ACOXL: variants seen among roughly 807,000 people sequenced by gnomAD.
The protein encoded by ACOXL is acyl-CoA oxidase like.
A neutral mutation model predicts 71.9 loss-of-function variants in ACOXL; 70 were observed. That is an observed-to-expected ratio of 0.97 (90% confidence interval 0.80 to 1.19). The LOEUF is 1.19. Among genes scored for constraint, ACOXL ranks in the 50% most tolerant of loss-of-function variants. ACOXL has a pLI of 0.00. For missense variants in ACOXL, 703 were observed against 736.3 expected, an observed-to-expected ratio of 0.95 and a Z score of 0.52; for synonymous variants, 253 against 281.6, an observed-to-expected ratio of 0.90 and a Z score of 1.02.
At chr2:110,885,545 G>A (rs1468612516) in intron 10 of ACOXL, among the ~76,000 whole-genome samples, 1 of 151,938 alleles carries the variant, frequency 6.6e-6, no homozygotes, top group African/African-American at 2.4e-5. Flanking sequence ...TAAGACTGGA[G>A]GTATAAAGTA....
At chr2:110,965,183 C>T (rs186914204) in intron 12 of ACOXL, among the ~76,000 whole-genome samples, 1 of 152,234 alleles carries the variant, frequency 6.6e-6, no homozygotes, top group East Asian at 1.9e-4. Context: ...AATAGTATTC[C>T]ATTATGTGTA....
chr2:110,890,994 T>C (rs2149144096), intron 10 of ACOXL, among the ~76,000 whole-genome samples: 1 of 152,326 alleles, frequency 6.6e-6, no homozygotes, highest in Admixed American at 6.5e-5. Flanking sequence ...ACAAGTGTTA[T>C]ATTTCTTTTG....
chr2:110,877,929 G>A (rs1558661005), intron 10 of ACOXL, among the ~76,000 whole-genome samples: 1 of 152,228 alleles, frequency 6.6e-6, no homozygotes, highest in Non-Finnish European at 1.5e-5. Flanking sequence ...TCCTGAGCAG[G>A]TGCTTTGTAC....
intron 10 of ACOXL, among the ~76,000 whole-genome samples, chr2:110,883,929 G>T (rs1369037931): frequency 6.6e-6 from 1 of 152,138 alleles, no homozygotes; most frequent in Admixed American, 6.6e-5. Flanking sequence ...TATTAGGGGA[G>T]GTTGGTTAAA....
intron 9 of ACOXL, among the ~76,000 whole-genome samples, chr2:110,836,987 G>C (rs1008395051): frequency 6.6e-6 from 1 of 152,224 alleles, no homozygotes; most frequent in African/African-American, 2.4e-5. Flanking sequence ...AGTTTAAAAC[G>C]TGGAAATTTT....
intron 13 of ACOXL, among the ~76,000 whole-genome samples, chr2:110,988,282 A>G (rs923030613): frequency 1.3e-5 from 2 of 152,246 alleles, no homozygotes; most frequent in African/African-American, 4.8e-5. Flanking sequence ...CTACAAAAAT[A>G]ATACAAAAAT....
chr2:110,973,832 C>A (rs958824678), intron 12 of ACOXL, among the ~76,000 whole-genome samples: 1 of 152,172 alleles, frequency 6.6e-6, no homozygotes, highest in African/African-American at 2.4e-5. Flanking sequence ...TAGCATCTGC[C>A]ACAGCTCCAG....
intron 9 of ACOXL, among the ~76,000 whole-genome samples, chr2:110,814,164 G>A (rs1222530951): frequency 6.6e-6 from 1 of 152,212 alleles, no homozygotes; most frequent in African/African-American, 2.4e-5. Context: ...ATTTCACTCA[G>A]ACTGGGATTT....
chr2:110,897,132 G>A (rs1204075782), intron 10 of ACOXL, among the ~76,000 whole-genome samples: 1 of 152,064 alleles, frequency 6.6e-6, no homozygotes, highest in Non-Finnish European at 1.5e-5. Flanking sequence ...ATAACTAATA[G>A]TAAAAAGAGG....
At chr2:110,945,732 T>G (rs534821720) in intron 12 of ACOXL, among the ~76,000 whole-genome samples, 69 of 152,348 alleles carry the variant, frequency 4.5e-4, no homozygotes, top group African/African-American at 1.6e-3. Flanking sequence ...ACCATGCTGC[T>G]TTGGTTACTG....
At chr2:110,795,156 G>A (rs916695982) in intron 5 of ACOXL, among the ~76,000 whole-genome samples, 7 of 152,152 alleles carry the variant, frequency 4.6e-5, no homozygotes, top group African/African-American at 9.7e-5. Context: ...GCTCTGCTTC[G>A]TCTATTCTTT....
At chr2:110,811,752 C>CACACACACAG (rs1479168915) in intron 9 of ACOXL, among the ~76,000 whole-genome samples, 19 of 150,126 alleles carry the variant, frequency 1.3e-4, no homozygotes, top group African/African-American at 3.9e-4. Context: ...CACACACACA[C>CACACACACAG]ACACACACAC....
At chr2:110,987,865 T>C (rs755272457) in intron 13 of ACOXL, among the ~76,000 whole-genome samples, 1 of 152,152 alleles carries the variant, frequency 6.6e-6, no homozygotes, top group Non-Finnish European at 1.5e-5. Flanking sequence ...TTGTGTATGG[T>C]TTTTTGATAT....
intron 9 of ACOXL, among the ~76,000 whole-genome samples, chr2:110,814,979 A>G (rs1460178906): frequency 6.6e-6 from 1 of 152,134 alleles, no homozygotes. Context: ...GTTGGTTCTC[A>G]TGTTGCTAAT....
chr2:110,836,615 G>A (rs772450669), intron 9 of ACOXL, among the ~76,000 whole-genome samples: 1 of 152,052 alleles, frequency 6.6e-6, no homozygotes, highest in Non-Finnish European at 1.5e-5. Flanking sequence ...TTCCCTTCAC[G>A]TTTCTTTTTC....
intron 12 of ACOXL, among the ~76,000 whole-genome samples, chr2:110,959,661 T>A (rs1282982992): frequency 2.0e-5 from 3 of 152,088 alleles, no homozygotes; most frequent in Non-Finnish European, 4.4e-5. Flanking sequence ...TCACCTCTAG[T>A]TGCCATTTCT....
At chr2:111,098,007 AC>A (rs767646933) in intron 17 of ACOXL, among the ~76,000 whole-genome samples, 48 of 152,326 alleles carry the variant, frequency 3.2e-4, no homozygotes, top group Non-Finnish European at 5.9e-4. Context: ...CAATGGAGAA[AC>A]CTGGTAGATC....
At chr2:110,769,495 A>G (rs1488940484) in intron 2 of ACOXL, among the ~76,000 whole-genome samples, 1 of 152,044 alleles carries the variant, frequency 6.6e-6, no homozygotes, top group East Asian at 1.9e-4. Flanking sequence ...ACAAAAAAAA[A>G]AATACAAAAC....
chr2:110,778,207 C>T (rs73956449), intron 2 of ACOXL, among the ~76,000 whole-genome samples: 2,124 of 152,232 alleles, frequency 0.014, 60 homozygotes, highest in African/African-American at 0.049. Context: ...CTTCTACTGA[C>T]GCTGTGAGGC....
Sources: allele counts gnomAD v4.1 joint callset (sites outside exome capture counted in the v4.1 genomes callset), GRCh38; gene constraint gnomAD v4.1.1; transcripts MANE v1.5; gene names NCBI Gene and HGNC (gene_info 2026-07-23, HGNC 2026-07-21).